Variants in GPC5 observed in about 807,000 individuals in gnomAD.
The protein encoded by GPC5 is glypican 5.
In GPC5, 47 loss-of-function variants were observed where a neutral mutation model predicts 53.9. The ratio of observed to expected loss-of-function variants is 0.87; its 90% CI spans 0.69 to 1.11. GPC5 has a LOEUF of 1.11. GPC5 is among the 50% of genes most tolerant of loss of function. The pLI is 0.00. For missense variants in GPC5, 748 were observed against 713.1 expected (o/e 1.05, Z -0.56); for synonymous variants, 286 against 263.3 (o/e 1.09, Z -0.84).
chr13:91,446,844 A>G (rs1053372193), intron 1 of GPC5, among the ~76,000 whole-genome samples: 2 of 152,248 alleles, frequency 1.3e-5, no homozygotes, highest in Non-Finnish European at 2.9e-5. Context: ...ACTGATGGAA[A>G]TGTGCCAAGG....
At chr13:92,837,708 C>T (rs140112055) in intron 7 of GPC5, among the ~76,000 whole-genome samples, 129 of 152,188 alleles carry the variant, frequency 8.5e-4, no homozygotes, top group African/African-American at 2.9e-3. Flanking sequence ...ATAAAACTAC[C>T]GGTAGGAGGA....
chr13:92,023,538 G>A (rs1342452304), intron 6 of GPC5, among the ~76,000 whole-genome samples: 1 of 151,822 alleles, frequency 6.6e-6, no homozygotes, highest in Non-Finnish European at 1.5e-5. Context: ...CAGCAAATGA[G>A]AAGTACTTAC....
chr13:92,142,209 GAA>G (rs537944116), intron 6 of GPC5, among the ~76,000 whole-genome samples: 3 of 152,062 alleles, frequency 2.0e-5, no homozygotes, highest in Non-Finnish European at 4.4e-5. Context: ...TTAAAAAAGG[GAA>G]AAAAATCATG....
At chr13:92,675,375 T>C (rs574269315) in intron 7 of GPC5, among the ~76,000 whole-genome samples, 1 of 152,282 alleles carries the variant, frequency 6.6e-6, no homozygotes, top group African/African-American at 2.4e-5. Flanking sequence ...CCATTGCTCA[T>C]TGCTTCATAG....
At chr13:91,617,605 G>A (rs540754193) in intron 2 of GPC5, among the ~76,000 whole-genome samples, 4 of 152,114 alleles carry the variant, frequency 2.6e-5, no homozygotes, top group Middle Eastern at 3.4e-3. Flanking sequence ...TAATTTTCAT[G>A]TATATGACAA....
intron 7 of GPC5, among the ~76,000 whole-genome samples, chr13:92,209,813 A>G (rs2042362376): frequency 6.6e-6 from 1 of 152,104 alleles, no homozygotes; most frequent in African/African-American, 2.4e-5. Context: ...TATAAAGGGG[A>G]GTTTATTAAG....
intron 7 of GPC5, among the ~76,000 whole-genome samples, chr13:92,537,152 A>C (rs1293308778): frequency 6.6e-6 from 1 of 152,158 alleles, no homozygotes; most frequent in Non-Finnish European, 1.5e-5. Context: ...ACTCGTAAAC[A>C]ATCTTTTAAA....
intron 7 of GPC5, among the ~76,000 whole-genome samples, chr13:92,657,579 G>GTTTTTTTTTTTTTTTTTTTT (rs67038073): frequency 9.4e-6 from 1 of 106,730 alleles, no homozygotes. Context: ...AGGTTTTTTG[G>GTTTTTTTTTTTTTTTTTTTT]TTTTTTTTTT....
At chr13:91,435,145 T>C (rs1879818636) in intron 1 of GPC5, among the ~76,000 whole-genome samples, 1 of 152,216 alleles carries the variant, frequency 6.6e-6, no homozygotes, top group African/African-American at 2.4e-5. Flanking sequence ...AGGGACAATT[T>C]GACTTTCTGT....
intron 6 of GPC5, among the ~76,000 whole-genome samples, chr13:92,000,184 C>T (rs1376181323): frequency 2.0e-5 from 3 of 151,968 alleles, no homozygotes; most frequent in Admixed American, 2.0e-4. Context: ...TTCTGTCTTC[C>T]CAAAATTCTT....
At chr13:92,728,820 T>G (rs899636591) in intron 7 of GPC5, among the ~76,000 whole-genome samples, 9 of 151,492 alleles carry the variant, frequency 5.9e-5, no homozygotes, top group African/African-American at 2.2e-4. Context: ...GGAAGAAAAT[T>G]AGAGATTATC....
chr13:92,289,421 C>T (rs548554629), intron 7 of GPC5, among the ~76,000 whole-genome samples: 5 of 151,898 alleles, frequency 3.3e-5, no homozygotes, highest in South Asian at 4.2e-4. Context: ...TTCTCAATAA[C>T]GTGAATTAAG....
At chr13:92,125,607 G>A (rs1364727764) in intron 6 of GPC5, among the ~76,000 whole-genome samples, 1 of 152,068 alleles carries the variant, frequency 6.6e-6, no homozygotes, top group Admixed American at 6.6e-5. Flanking sequence ...GGGAAAAGAG[G>A]TAAATGAACA....
At chr13:92,035,699 A>G (rs968236016) in intron 6 of GPC5, among the ~76,000 whole-genome samples, 1 of 151,938 alleles carries the variant, frequency 6.6e-6, no homozygotes. Flanking sequence ...GCCTTCTTCA[A>G]AAAATTTCTT....
chr13:92,550,086 T>C (rs2139014807), intron 7 of GPC5, among the ~76,000 whole-genome samples: 1 of 152,084 alleles, frequency 6.6e-6, no homozygotes, highest in East Asian at 1.9e-4. Context: ...AGGGTTTTGA[T>C]TTTAAGTGTT....
Position 92,725,646 on chromosome 13 carries a change from C to CA in GPC5, c.1562-140629dup, listed in dbSNP as rs1479975010. On this transcript the variant is annotated intron_variant, in intron 7 of 7. Transcript: ENST00000377067. The stretch of plus-strand genomic sequence containing the variant: ...TGCAACTATATAAACAATGAAAATA[C>CA]AAAAAAATGAAAATAAAAATCACAC... Among the ~76,000 whole-genome samples, 11 of 151,284 alleles carry CA rather than the reference C, an allele frequency of 7.3e-5. 1 individual carries two copies. The South Asian group carries it at 8.3e-4, about 11-fold the overall frequency.
At chr13:92,141,761 C>G (rs1172718624) in intron 6 of GPC5, among the ~76,000 whole-genome samples, 1 of 152,104 alleles carries the variant, frequency 6.6e-6, no homozygotes. Context: ...TAGCTTGACT[C>G]AGTTTGGGAG....
chr13:92,486,357 T>C (rs1225921409), intron 7 of GPC5, among the ~76,000 whole-genome samples: 2 of 152,218 alleles, frequency 1.3e-5, no homozygotes, highest in Non-Finnish European at 2.9e-5. Context: ...GTTGGCATCA[T>C]TGTCATTATA....
intron 7 of GPC5, among the ~76,000 whole-genome samples, chr13:92,230,224 A>C (rs988726879): frequency 1.3e-5 from 2 of 152,180 alleles, no homozygotes; most frequent in Non-Finnish European, 2.9e-5. Context: ...AAATTATAAA[A>C]TATGTTCTCA....
Sources: allele counts gnomAD v4.1 joint callset (sites outside exome capture counted in the v4.1 genomes callset), GRCh38; gene constraint gnomAD v4.1.1; transcripts MANE v1.5; gene names NCBI Gene and HGNC (gene_info 2026-07-23, HGNC 2026-07-21).